Variants in KCNU1 observed in about 807,000 individuals in gnomAD.
KCNU1 encodes the protein potassium channel subfamily U member 1.
In KCNU1, 93 loss-of-function variants were observed where a neutral mutation model predicts 126.8. The observed-to-expected ratio is 0.73, with a 90% CI of 0.62 to 0.87. The LOEUF (loss-of-function observed/expected upper bound fraction) is 0.87, where lower values mean the gene tolerates loss of function less well. Ranked by LOEUF, KCNU1 falls within the 40% of genes least tolerant of loss-of-function variation. KCNU1 has a pLI of 0.00. For missense variants in KCNU1, 1,330 were observed against 1,367.1 expected, an observed-to-expected ratio of 0.97 and a Z score of 0.43; for synonymous variants, 523 against 494.2, an observed-to-expected ratio of 1.06 and a Z score of -0.77.
intron 2 of KCNU1, among the ~76,000 whole-genome samples, chr8:36,798,083 G>A (rs1436484303): frequency 6.6e-6 from 1 of 152,158 alleles, no homozygotes; most frequent in Non-Finnish European, 1.5e-5. Flanking sequence ...TAGTCCAGTT[G>A]TTGTACTTGG....
intron 24 of KCNU1, chr8:36,928,974 A>G (rs2117608291): frequency 5.7e-6 from 4 of 698,514 alleles, no homozygotes; most frequent in Non-Finnish European, 1.0e-5. Flanking sequence ...ATGAGAAGCA[A>G]TGATAAAGAA....
At chr8:36,873,611 C>T (rs958634601) in intron 19 of KCNU1, among the ~76,000 whole-genome samples, 1 of 152,308 alleles carries the variant, frequency 6.6e-6, no homozygotes, top group African/African-American at 2.4e-5. Context: ...ACAAATTCTT[C>T]TCCTTGAACG....
At chr8:36,879,207 G>GTATATATATATATA (rs1482123765) in intron 19 of KCNU1, among the ~76,000 whole-genome samples, 10 of 53,874 alleles carry the variant, frequency 1.9e-4, no homozygotes, top group Admixed American at 9.9e-4. Context: ...GTGTGTGTGT[G>GTATATATATATATA]TGTGTATATA....
At position 36,788,905 on chromosome 8, in the gene KCNU1, C is replaced by A. The variant is rs529075822; in HGVS notation, c.315+1480C>A. ...GAACTTACAACATCCATCATATGAG[C>A]ATTGCATATGGGAAGTGGGTGGGAA... On this transcript the variant is annotated intron_variant, in intron 2 of 26. Coordinates refer to ENST00000399881, the MANE Select transcript of KCNU1 (RefSeq NM_001031836.3). 6.1e-4 allele frequency among the ~76,000 whole-genome samples: 93 copies of A among 152,206 alleles called. No homozygotes were observed. The Middle Eastern group carries it at 0.014, about 22-fold the overall frequency.
At chr8:36,888,175 A>G (rs1168914588) in intron 19 of KCNU1, among the ~76,000 whole-genome samples, 1 of 152,212 alleles carries the variant, frequency 6.6e-6, no homozygotes, top group African/African-American at 2.4e-5. Flanking sequence ...AATTTGAAAT[A>G]AGTATGATTA....
chr8:36,833,273 T>G (rs755364301), intron 10 of KCNU1, among the ~76,000 whole-genome samples: 3 of 152,138 alleles, frequency 2.0e-5, no homozygotes, highest in Non-Finnish European at 2.9e-5. Context: ...TCCTTCTAAT[T>G]TTTTTCATAT....
chr8:36,884,766 T>TA (rs1408908307), intron 19 of KCNU1, among the ~76,000 whole-genome samples: 1 of 149,504 alleles, frequency 6.7e-6, no homozygotes, highest in Non-Finnish European at 1.5e-5. Context: ...AAAATAAAAA[T>TA]AAAAACCAGG....
intron 20 of KCNU1, 27 bp downstream of exon 20, chr8:36,905,831 C>T: frequency 9.1e-7 from 1 of 1,102,066 alleles, no homozygotes; most frequent in Non-Finnish European, 1.3e-6. Flanking sequence ...CATCAAATCT[C>T]AAATAAGATA....
intron 18 of KCNU1, among the ~76,000 whole-genome samples, chr8:36,862,871 C>T (rs1248007274): frequency 6.6e-6 from 1 of 152,124 alleles, no homozygotes; most frequent in Non-Finnish European, 1.5e-5. Flanking sequence ...ACCCAGTTTC[C>T]ATCACAACCA....
At chr8:36,853,209 G>A (rs1805413494) in intron 18 of KCNU1, among the ~76,000 whole-genome samples, 1 of 152,152 alleles carries the variant, frequency 6.6e-6, no homozygotes, top group Non-Finnish European at 1.5e-5. Flanking sequence ...AATCAGCCAG[G>A]TGTGGTGGCA....
At chr8:36,897,992 G>A (rs1807264655) in intron 19 of KCNU1, among the ~76,000 whole-genome samples, 1 of 152,052 alleles carries the variant, frequency 6.6e-6, no homozygotes, top group African/African-American at 2.4e-5. Context: ...GTAACACTCA[G>A]GATGCCTGTA....
chr8:36,805,540 G>A (rs559980313), intron 4 of KCNU1, among the ~76,000 whole-genome samples: 1 of 152,258 alleles, frequency 6.6e-6, no homozygotes, highest in Admixed American at 6.5e-5. Context: ...TGTTCCCATG[G>A]CCTCCTTACT....
chr8:36,858,099 T>G (rs1454889441), intron 18 of KCNU1, among the ~76,000 whole-genome samples: 1 of 139,734 alleles, frequency 7.2e-6, no homozygotes, highest in Non-Finnish European at 1.5e-5. Flanking sequence ...CACCCAAAAC[T>G]AAAGGCTCTG....
chr8:36,907,263 A>C (rs1398279658), intron 20 of KCNU1, among the ~76,000 whole-genome samples: 2 of 152,138 alleles, frequency 1.3e-5, no homozygotes, highest in Admixed American at 6.6e-5. Context: ...TTTTGAACAA[A>C]TAGGACATCC....
At chr8:36,915,902 G>T (rs1044576949) in intron 22 of KCNU1, among the ~76,000 whole-genome samples, 4 of 151,678 alleles carry the variant, frequency 2.6e-5, no homozygotes, top group Admixed American at 6.6e-5. Context: ...CTATCATGGA[G>T]TAGATATTTT....
chr8:36,902,791 C>A (rs1291324082), intron 19 of KCNU1, among the ~76,000 whole-genome samples: 5 of 152,010 alleles, frequency 3.3e-5, no homozygotes, highest in African/African-American at 1.2e-4. Context: ...CATAAGGCTG[C>A]CATCAGGGTC....
intron 19 of KCNU1, among the ~76,000 whole-genome samples, chr8:36,881,623 A>G (rs2117399526): frequency 6.6e-6 from 1 of 152,260 alleles, no homozygotes; most frequent in South Asian, 2.1e-4. Flanking sequence ...TGTACAAAGT[A>G]CTGGCATATT....
At chr8:36,842,681 T>C (rs1805000591) in intron 16 of KCNU1, among the ~76,000 whole-genome samples, 1 of 152,208 alleles carries the variant, frequency 6.6e-6, no homozygotes, top group African/African-American at 2.4e-5. Context: ...TTTTTGTTTT[T>C]GTTTTTGAGA....
At chr8:36,915,759 T>C (rs2117555692) in intron 22 of KCNU1, among the ~76,000 whole-genome samples, 1 of 152,304 alleles carries the variant, frequency 6.6e-6, no homozygotes, top group East Asian at 1.9e-4. Context: ...CTTTGGGACC[T>C]TATCTAAAGT....
Sources: gnomAD v4.1 joint callset for allele counts (sites outside exome capture counted in the v4.1 genomes callset) on GRCh38, gnomAD v4.1.1 for gene constraint, MANE v1.5 for transcripts, NCBI Gene and HGNC (gene_info 2026-07-23, HGNC 2026-07-21) for gene names.